Variants in CAST observed in about 807,000 individuals in gnomAD.
CAST encodes calpastatin, also known as MIR583 host.
Under a neutral mutation model 119.6 loss-of-function variants are expected in CAST, and 76 were observed. That is an observed-to-expected ratio of 0.64 (90% CI 0.53 to 0.77). The LOEUF (loss-of-function observed/expected upper bound fraction) is 0.77, where lower values mean the gene tolerates loss of function less well. Ranked by LOEUF, CAST falls within the 30% of genes least tolerant of loss-of-function variation. CAST has a pLI of 0.00. For missense variants in CAST, 953 were observed against 946.5 expected (o/e 1.01, Z -0.09); for synonymous variants, 319 against 331.6 (o/e 0.96, Z 0.41).
At chr5:96,013,442 G>A in the CAST span, among the ~76,000 whole-genome samples, 2 of 151,772 alleles carry the variant, frequency 1.3e-5, no homozygotes, top group Admixed American at 6.6e-5. Flanking sequence ...TTTCATAGCT[G>A]CATAGTACTC....
the CAST span, among the ~76,000 whole-genome samples, chr5:96,341,145 A>G: frequency 2.0e-4 from 30 of 152,212 alleles, 1 homozygote; most frequent in Non-Finnish European, 1.5e-5. Context: ...AATAATCATG[A>G]TTCTCAGAAG....
chr5:96,473,612 A>G, the CAST span, among the ~76,000 whole-genome samples: 2 of 152,178 alleles, frequency 1.3e-5, no homozygotes, highest in Admixed American at 6.5e-5. Flanking sequence ...GGAAAGACAC[A>G]TGTGAATGGA....
chr5:96,049,415 A>C, the CAST span, among the ~76,000 whole-genome samples: 1 of 152,214 alleles, frequency 6.6e-6, no homozygotes, highest in African/African-American at 2.4e-5. Context: ...AGTTCTTATT[A>C]ATTTTAATGA....
the CAST span, among the ~76,000 whole-genome samples, chr5:96,376,484 A>G: frequency 6.6e-6 from 1 of 151,338 alleles, no homozygotes; most frequent in Non-Finnish European, 1.5e-5. Context: ...TCTGTCGCCC[A>G]GGCTGGAGTG....
the CAST span, among the ~76,000 whole-genome samples, chr5:96,518,697 G>C: frequency 9.9e-5 from 15 of 152,220 alleles, no homozygotes; most frequent in Non-Finnish European, 1.8e-4. Flanking sequence ...ATTGAACCCT[G>C]CTCAACAGCA....
At chr5:96,128,882 TG>T in the CAST span, among the ~76,000 whole-genome samples, 1 of 152,200 alleles carries the variant, frequency 6.6e-6, no homozygotes, top group East Asian at 1.9e-4. Flanking sequence ...CATCTTAAGA[TG>T]GATTATTTCA....
chr5:96,662,362 C>G, upstream of CAST: 1 of 1,354,774 alleles, frequency 7.4e-7, no homozygotes, highest in Non-Finnish European at 9.4e-7. Context: ...GACTCCCCGC[C>G]AGGCCTCCCC....
the CAST span, among the ~76,000 whole-genome samples, chr5:96,251,018 A>G: frequency 4.6e-5 from 7 of 152,304 alleles, no homozygotes; most frequent in African/African-American, 1.2e-4. Context: ...CGAAGGTACA[A>G]AGGTACAGAA....
At chr5:96,107,672 C>A in the CAST span, among the ~76,000 whole-genome samples, 1 of 152,104 alleles carries the variant, frequency 6.6e-6, no homozygotes, top group Non-Finnish European at 1.5e-5. Context: ...TCCTTCATTT[C>A]AACTTTGGTG....
At chr5:95,987,098 G>A in the CAST span, among the ~76,000 whole-genome samples, 1 of 152,096 alleles carries the variant, frequency 6.6e-6, no homozygotes, top group South Asian at 2.1e-4. Context: ...CCTGAGCTGA[G>A]CTTTCCTGAC....
the CAST span, among the ~76,000 whole-genome samples, chr5:96,184,260 C>T: frequency 2.0e-5 from 3 of 152,180 alleles, no homozygotes; most frequent in African/African-American, 7.2e-5. Flanking sequence ...TGATATCTTC[C>T]TAAGTTGGAA....
chr5:96,742,567 T>C, intron 15 of CAST, 88 bp from the exon 16 acceptor site: 1 of 857,382 alleles, frequency 1.2e-6, no homozygotes, highest in Non-Finnish European at 1.9e-6. Context: ...CAGTTTATAA[T>C]CTAAAATGTA....
chr5:96,620,178 T>G (rs994943324), intron 1 of CAST, among the ~76,000 whole-genome samples: 5 of 152,160 alleles, frequency 3.3e-5, no homozygotes, highest in Non-Finnish European at 7.4e-5. Context: ...TCCCTTGTCC[T>G]CTAGAGCCTG....
chr5:96,541,337 A>ATT (rs1365571881), intron 1 of CAST, among the ~76,000 whole-genome samples: 4 of 151,294 alleles, frequency 2.6e-5, no homozygotes, highest in African/African-American at 9.8e-5. Flanking sequence ...ATTTTTTTAA[A>ATT]AAAAAAAATT....
At chr5:96,464,779 T>A in the CAST span, among the ~76,000 whole-genome samples, 1 of 152,098 alleles carries the variant, frequency 6.6e-6, no homozygotes. Context: ...ACCTGGGCAG[T>A]CATTAAATAG....
chr5:96,534,737 G>GAGAAAGAGAA lies in CAST; in HGVS notation c.60+4860_60+4861insAAGAGAAAGA, dbSNP rs1554066245. ...AAGGAGAGAGAGAGAGAGAGAGAGAGAGAGAAAGAAAGAAAGAAAGAAAGA... is the reference window on the plus strand; with the variant it reads ...AAGGAGAGAGAGAGAGAGAGAGAGAGAGAAAGAGAAAGAGAAAGAAAGAAAGAAAGAAAGA... On this transcript the variant is annotated intron_variant, in intron 1 of 11. Transcript: ENST00000505143. Among the ~76,000 whole-genome samples the GAGAAAGAGAA allele has an allele frequency of 5.9e-3, 84 of 14,222 alleles. 14 individuals are homozygous for GAGAAAGAGAA. Among genetic ancestry groups the GAGAAAGAGAA allele is most frequent in the Non-Finnish European group, 6.7e-3 (43 of 6,418 alleles). The allele number at this position is 14,222 out of a possible 152,430, so 9.3% of individuals were successfully genotyped here. A position where few individuals can be genotyped will look rare whatever the true frequency, so the allele number is the denominator to read the frequency against.
the CAST span, among the ~76,000 whole-genome samples, chr5:96,386,944 A>G: frequency 6.6e-6 from 1 of 152,328 alleles, no homozygotes; most frequent in East Asian, 1.9e-4. Flanking sequence ...CAGCCTGGGC[A>G]ACAGAGCAAA....
At chr5:96,373,621 C>T in the CAST span, among the ~76,000 whole-genome samples, 1 of 152,164 alleles carries the variant, frequency 6.6e-6, no homozygotes, top group Non-Finnish European at 1.5e-5. Flanking sequence ...CCTTCAAAGA[C>T]GGACTTGTGA....
chr5:96,431,853 A>G, the CAST span, among the ~76,000 whole-genome samples: 3,660 of 152,202 alleles, frequency 0.024, 159 homozygotes, highest in African/African-American at 0.085. Flanking sequence ...CCACGCTTCA[A>G]TGCAGACCAA....
Sources: allele counts gnomAD v4.1 joint callset (sites outside exome capture counted in the v4.1 genomes callset), GRCh38; gene constraint gnomAD v4.1.1; transcripts MANE v1.5; gene names NCBI Gene and HGNC (gene_info 2026-07-23, HGNC 2026-07-21).